The following AMPH variants were observed in gnomAD, a reference collection of about 807,000 sequenced individuals.
The protein encoded by AMPH is amphiphysin, also known as amphiphysin (Stiff-Mann syndrome with breast cancer 128kD autoantigen).
A neutral mutation model predicts 99.1 loss-of-function variants in AMPH; 49 were observed. The ratio of observed to expected loss-of-function variants is 0.49; its 90% confidence interval spans 0.39 to 0.63. AMPH has a LOEUF of 0.63. AMPH is among the 20% of genes least tolerant of loss of function. AMPH has a pLI of 0.00. For synonymous variants in AMPH, 314 were observed against 317.3 expected (o/e 0.99, Z 0.11); for missense variants, 759 against 863.4 (o/e 0.88, Z 1.52).
intron 2 of AMPH, among the ~76,000 whole-genome samples, chr7:38,528,194 T>G (rs1375224788): frequency 6.6e-6 from 1 of 152,200 alleles, no homozygotes; most frequent in African/African-American, 2.4e-5. Context: ...CATATTGGTC[T>G]GCAGTTTTCT....
intron 1 of AMPH, among the ~76,000 whole-genome samples, chr7:38,630,898 C>T (rs1322623242): frequency 6.6e-6 from 1 of 152,176 alleles, no homozygotes; most frequent in Non-Finnish European, 1.5e-5. Flanking sequence ...GGGAGCCGGC[C>T]CGGGGAGATG....
In AMPH at chr7:38,454,755, C is replaced by T. The variant is rs148599852; in HGVS notation, c.1017+6528G>A. ...ACTAAGAATCAATAGAAGACATAAA[C>T]ATGAAATAATATATAAAGAGATGTT... On this transcript the variant is annotated intron_variant, in intron 11 of 20. Coordinates refer to ENST00000356264, the MANE Select transcript of AMPH (RefSeq NM_001635.4). Among the ~76,000 whole-genome samples, 1,210 of 152,162 alleles carry T rather than the reference C, an allele frequency of 8.0e-3. 16 individuals carry two copies. Among genetic ancestry groups the T allele is most frequent in the African/African-American group, 0.028 (1,147 of 41,494 alleles).
At chr7:38,436,112 G>C (rs759819487) in intron 12 of AMPH, among the ~76,000 whole-genome samples, 160 bp downstream of exon 12, 3 of 152,136 alleles carry the variant, frequency 2.0e-5, no homozygotes, top group Non-Finnish European at 4.4e-5. Flanking sequence ...AACTGATATA[G>C]ATAAGGTCCC....
At chr7:38,567,468 G>A (rs777528047) in intron 1 of AMPH, among the ~76,000 whole-genome samples, 2 of 152,026 alleles carry the variant, frequency 1.3e-5, no homozygotes, top group African/African-American at 2.4e-5. Flanking sequence ...GCAAACCAAC[G>A]TGGCACATAT....
intron 17 of AMPH, among the ~76,000 whole-genome samples, chr7:38,409,511 C>T (rs990405059): frequency 1.3e-5 from 2 of 152,106 alleles, no homozygotes; most frequent in African/African-American, 4.8e-5. Flanking sequence ...TCTCATGGTA[C>T]CCCCGGTCCC....
chr7:38,468,394 A>G (rs1787747184), intron 7 of AMPH, among the ~76,000 whole-genome samples: 2 of 152,048 alleles, frequency 1.3e-5, no homozygotes, highest in Admixed American at 6.6e-5. Flanking sequence ...TTAACTTTGG[A>G]TGCATTAGGC....
At position 38,442,877 on chromosome 7, in the gene AMPH, A is replaced by C. The variant is rs569051956; in HGVS notation, c.1018-6489T>G. On this transcript the variant is annotated intron_variant, in intron 11 of 20. Transcript: ENST00000356264. ...GTGGAAATCAGTGAAACAGAAAACA[A>C]AAGACAGAGTGAGAACAAGAAAAAG... Among the ~76,000 whole-genome samples, 36 of 151,008 alleles carry C rather than the reference A, an allele frequency of 2.4e-4. No individual in the cohort carries two copies. The East Asian group carries it at 4.0e-3, about 17-fold the overall frequency.
chr7:38,601,976 G>C (rs1457526139), intron 1 of AMPH, among the ~76,000 whole-genome samples: 6 of 152,086 alleles, frequency 3.9e-5, no homozygotes, highest in Admixed American at 6.6e-5. Flanking sequence ...ACTACCTGTG[G>C]GTATCAATGC....
chr7:38,571,513 A>G (rs953162699), intron 1 of AMPH, among the ~76,000 whole-genome samples: 6 of 136,746 alleles, frequency 4.4e-5, no homozygotes, highest in African/African-American at 1.6e-4. Context: ...TCTATAAAAT[A>G]TATATTCTAT....
intron 14 of AMPH, 164 bp downstream of exon 14, chr7:38,429,678 A>T: frequency 7.7e-7 from 1 of 1,306,566 alleles, no homozygotes. Context: ...TCAGGCGAGT[A>T]GCACCAGTAA....
intron 1 of AMPH, among the ~76,000 whole-genome samples, chr7:38,575,753 T>A (rs1381784735): frequency 6.6e-6 from 1 of 152,136 alleles, no homozygotes; most frequent in African/African-American, 2.4e-5. Context: ...TATAGCAGCA[T>A]GAAAATGGAC....
intron 1 of AMPH, among the ~76,000 whole-genome samples, chr7:38,596,190 A>G (rs776968249): frequency 1.4e-4 from 22 of 152,222 alleles, no homozygotes; most frequent in Non-Finnish European, 2.6e-4. Flanking sequence ...GAGAACAGCT[A>G]CTGGTGTGAA....
intron 2 of AMPH, 95 bp from the exon 3 acceptor site, chr7:38,503,799 G>T: frequency 8.0e-7 from 1 of 1,257,626 alleles, no homozygotes; most frequent in Non-Finnish European, 1.2e-6. Flanking sequence ...ATTGCCAGAA[G>T]CTCATTCTTG....
chr7:38,457,115 C>T (rs1345848610), intron 11 of AMPH, among the ~76,000 whole-genome samples: 1 of 152,144 alleles, frequency 6.6e-6, no homozygotes, highest in Non-Finnish European at 1.5e-5. Context: ...CCTACAAAAA[C>T]CAATTTCAAA....
At chr7:38,511,384 T>C (rs1789535260) in intron 2 of AMPH, among the ~76,000 whole-genome samples, 1 of 152,230 alleles carries the variant, frequency 6.6e-6, no homozygotes, top group Non-Finnish European at 1.5e-5. Flanking sequence ...TTTTCATTTG[T>C]ACTTTTAAGT....
chr7:38,623,579 G>A (rs778881162), intron 1 of AMPH, among the ~76,000 whole-genome samples: 1 of 152,152 alleles, frequency 6.6e-6, no homozygotes, highest in Non-Finnish European at 1.5e-5. Context: ...GATTTCAGAT[G>A]ATCTGAAAAA....
chr7:38,482,266 A>C (rs1001294692), intron 5 of AMPH, among the ~76,000 whole-genome samples: 1 of 152,106 alleles, frequency 6.6e-6, no homozygotes, highest in African/African-American at 2.4e-5. Context: ...TCCATGATAC[A>C]TAGAAAACCT....
intron 17 of AMPH, among the ~76,000 whole-genome samples, chr7:38,409,123 T>C (rs1024772396): frequency 1.3e-5 from 2 of 152,198 alleles, no homozygotes; most frequent in African/African-American, 4.8e-5. Flanking sequence ...TAATTTGCTA[T>C]GGAGCTGGAG....
chr7:38,392,025 A>C lies in AMPH; in HGVS notation c.1609-8T>G, dbSNP rs780341066. 7.5e-6 allele frequency: 12 copies of C among 1,602,590 alleles called. No individual in the cohort carries two copies. The highest frequency in any genetic ancestry group is 1.3e-5 in the African/African-American group (1 of 74,800). ...CGAAGGAATGACCTTCTCCTGGGGGAAGAAAAACCGTGGCGATGCCCGGCA... is the reference window on the plus strand; with the variant it reads ...CGAAGGAATGACCTTCTCCTGGGGGCAGAAAAACCGTGGCGATGCCCGGCA... On this transcript the variant is annotated splice_polypyrimidine_tract_variant and splice_region_variant and intron_variant, in intron 18 of 20. Transcript: ENST00000356264.
Sources: gnomAD v4.1 joint callset for allele counts (sites outside exome capture counted in the v4.1 genomes callset) on GRCh38, gnomAD v4.1.1 for gene constraint, MANE v1.5 for transcripts, NCBI Gene and HGNC (gene_info 2026-07-23, HGNC 2026-07-21) for gene names.